Variants in GLI3 observed in about 807,000 individuals in gnomAD.
The protein encoded by GLI3 is GLI family zinc finger 3.
In GLI3, 20 loss-of-function variants were observed where a neutral mutation model predicts 100.8. That is an observed-to-expected ratio of 0.20 (90% CI 0.14 to 0.29). GLI3 has a LOEUF of 0.29. Among genes scored for constraint, GLI3 ranks in the 10% least tolerant of loss-of-function variants. GLI3 has a pLI of 1.00. For synonymous variants in GLI3, 938 were observed against 860.5 expected (o/e 1.09, Z -1.58); for missense variants, 2,040 against 2,128.5 (o/e 0.96, Z 0.82).
chr7:42,168,268 A>G (rs955661219), intron 2 of GLI3, among the ~76,000 whole-genome samples: 2 of 152,216 alleles, frequency 1.3e-5, no homozygotes, highest in Non-Finnish European at 2.9e-5. Context: ...AACACTGTGC[A>G]TTGCCAAGTC....
intron 12 of GLI3, 49 bp downstream of exon 12, chr7:41,977,508 AT>A (rs1216030501): frequency 1.3e-6 from 2 of 1,585,276 alleles, no homozygotes; most frequent in East Asian, 4.5e-5. Context: ...CTTCCCCGGG[AT>A]AGTTCTTTGT....
At chr7:42,042,158 A>G (rs1158749519) in intron 6 of GLI3, among the ~76,000 whole-genome samples, 2 of 151,924 alleles carry the variant, frequency 1.3e-5, no homozygotes, top group Non-Finnish European at 2.9e-5. Flanking sequence ...GACTACAGAC[A>G]CACACCACCA....
chr7:42,045,935 A>G (rs938401635), intron 5 of GLI3, among the ~76,000 whole-genome samples: 2 of 152,196 alleles, frequency 1.3e-5, no homozygotes, highest in Non-Finnish European at 2.9e-5. Context: ...CATACTTAAA[A>G]TACTTTTCTA....
intron 3 of GLI3, among the ~76,000 whole-genome samples, chr7:42,136,331 C>T (rs1786427624): frequency 6.6e-6 from 1 of 152,200 alleles, no homozygotes; most frequent in African/African-American, 2.4e-5. Context: ...TTCTCAGTTA[C>T]AAAGCCGAGG....
chr7:42,038,715 T>C (rs846324), intron 7 of GLI3, among the ~76,000 whole-genome samples: 96,755 of 152,084 alleles, frequency 0.64, 32,503 homozygotes, highest in African/African-American at 0.87. Flanking sequence ...AAATTAGGAT[T>C]TACCACATTT....
chr7:42,121,904 C>T (rs915289789), intron 3 of GLI3, among the ~76,000 whole-genome samples: 1 of 152,114 alleles, frequency 6.6e-6, no homozygotes, highest in African/African-American at 2.4e-5. Context: ...ATAAATAAGC[C>T]CCAGATCTTA....
At chr7:42,184,341 G>A (rs1271415672) in intron 2 of GLI3, among the ~76,000 whole-genome samples, 1 of 152,176 alleles carries the variant, frequency 6.6e-6, no homozygotes, top group Non-Finnish European at 1.5e-5. Context: ...AGATCTCCCT[G>A]TGGCTGCACC....
intron 4 of GLI3, among the ~76,000 whole-genome samples, chr7:42,058,063 AG>A (rs956150257): frequency 1.3e-5 from 2 of 152,192 alleles, no homozygotes; most frequent in Admixed American, 1.3e-4. Flanking sequence ...GTAATAAAAA[AG>A]CTTTAAAAAT....
intron 3 of GLI3, among the ~76,000 whole-genome samples, chr7:42,089,949 C>T (rs945233073): frequency 6.6e-6 from 1 of 152,142 alleles, no homozygotes; most frequent in East Asian, 1.9e-4. Context: ...CACTTACACA[C>T]ACCTAGATGG....
intron 3 of GLI3, among the ~76,000 whole-genome samples, chr7:42,147,135 G>C (rs1042877090): frequency 1.3e-5 from 2 of 152,232 alleles, no homozygotes; most frequent in South Asian, 2.1e-4. Flanking sequence ...GCGGGGTAGC[G>C]GTTGCTGAGA....
At chr7:42,108,995 T>C (rs1420623398) in intron 3 of GLI3, among the ~76,000 whole-genome samples, 1 of 152,060 alleles carries the variant, frequency 6.6e-6, no homozygotes. Context: ...CACTGCTCTA[T>C]GCACAAGAAA....
chr7:42,040,184 C>G lies in GLI3; in HGVS notation c.882G>C (p.Leu294=). 1.9e-6 allele frequency: 3 copies of G among 1,613,932 alleles called. No homozygotes were observed. Among genetic ancestry groups the G allele is most frequent in the Non-Finnish European group, 2.5e-6 (3 of 1,179,850 alleles). ...LSARPSRKRT[L]SISPLSDHSF... ...TATGATCGGAGAGTGGTGATATGGACAGTGTACGTTTTCGGCTCGGCCTGG... is the reference window on the plus strand; with the variant it reads ...TATGATCGGAGAGTGGTGATATGGAGAGTGTACGTTTTCGGCTCGGCCTGG... The change falls in exon 7 of 15, where the codon CTG becomes CTC. Residue 294 remains leucine, a synonymous_variant. Coordinates refer to ENST00000395925, the MANE Select transcript of GLI3 (RefSeq NM_000168.6).
At chr7:42,129,153 C>T (rs1442045694) in intron 3 of GLI3, among the ~76,000 whole-genome samples, 2 of 152,184 alleles carry the variant, frequency 1.3e-5, no homozygotes, top group Admixed American at 6.5e-5. Context: ...CTAGGCACTT[C>T]TAAGAGCTTT....
At chr7:42,085,708 C>A (rs548689128) in intron 3 of GLI3, among the ~76,000 whole-genome samples, 1 of 152,282 alleles carries the variant, frequency 6.6e-6, no homozygotes, top group Admixed American at 6.5e-5. Flanking sequence ...CATGAAATGT[C>A]AATCCTGCTT....
chr7:42,161,877 G>A (rs1787137499), intron 2 of GLI3, among the ~76,000 whole-genome samples: 1 of 152,176 alleles, frequency 6.6e-6, no homozygotes, highest in South Asian at 2.1e-4. Context: ...CACCTCTTGT[G>A]TCAAAAATTG....
At chr7:41,976,355 A>G (rs1787513682) in intron 12 of GLI3, among the ~76,000 whole-genome samples, 1 of 152,194 alleles carries the variant, frequency 6.6e-6, no homozygotes, top group African/African-American at 2.4e-5. Flanking sequence ...ATATATATGA[A>G]CTTACATGTG....
chr7:42,246,259 A>G (rs891619208), intron 1 of GLI3, among the ~76,000 whole-genome samples: 2 of 152,142 alleles, frequency 1.3e-5, no homozygotes, highest in Non-Finnish European at 1.5e-5. Context: ...TGCCATGCCC[A>G]TTACCCTTGA....
chr7:41,977,767 A>G (rs372875626), intron 11 of GLI3, 45 bp from the exon 12 acceptor site: 1 of 1,555,664 alleles, frequency 6.4e-7, no homozygotes, highest in African/African-American at 1.4e-5. Context: ...CAATGGCAAC[A>G]GCAGCTTATG....
Position 42,025,914 on chromosome 7 carries a change from G to C in GLI3, c.1242+285C>G, listed in dbSNP as rs530348825. On this transcript the variant is annotated intron_variant, in intron 8 of 14. Transcript: ENST00000395925. ...ATGCATCCACATGCTGCACTGACAT[G>C]GGATGCAGGTTACAGATGGCACCAG... Among the ~76,000 whole-genome samples, 286 of 152,354 alleles carry C rather than the reference G, an allele frequency of 1.9e-3. 1 individual carries two copies. Among genetic ancestry groups the C allele is most frequent in the Admixed American group, 3.9e-3 (59 of 15,304 alleles).
Sources: gnomAD v4.1 joint callset for allele counts (sites outside exome capture counted in the v4.1 genomes callset) on GRCh38, gnomAD v4.1.1 for gene constraint, MANE v1.5 for transcripts, NCBI Gene and HGNC (gene_info 2026-07-23, HGNC 2026-07-21) for gene names.